PDXK: variants seen among roughly 807,000 people sequenced by gnomAD.
PDXK encodes epididymis secretory sperm binding protein Li 1a.
PDXK carries 15 observed loss-of-function variants against 43.2 expected under a neutral mutation model. The observed-to-expected ratio is 0.35, with a 90% CI of 0.23 to 0.53. The LOEUF is 0.53. Ranked by LOEUF, PDXK falls within the 20% of genes least tolerant of loss-of-function variation. The probability of loss-of-function intolerance (pLI) is 0.92; values close to 1 mark genes in which losing one functional copy is unlikely to be tolerated. For missense variants in PDXK, 343 were observed against 417.0 expected (o/e 0.82, Z 1.54); for synonymous variants, 172 against 165.4 (o/e 1.04, Z -0.31).
At chr21:43,742,302 C>T (rs1411738115) in intron 3 of PDXK, among the ~76,000 whole-genome samples, 1 of 152,182 alleles carries the variant, frequency 6.6e-6, no homozygotes, top group African/African-American at 2.4e-5. Flanking sequence ...GCCTCAACAT[C>T]CCAAGTAGCT....
At chr21:43,751,109 G>T (rs1197803808) in intron 7 of PDXK, among the ~76,000 whole-genome samples, 1 of 152,234 alleles carries the variant, frequency 6.6e-6, no homozygotes, top group East Asian at 1.9e-4. Context: ...AGCAGATGCA[G>T]CAGCCCAAGG....
Position 43,755,942 on chromosome 21 carries a change from GC to G in PDXK, c.827-5del. ...GATGGGAACTCAGTGCTCTCTGCCT[GC>G]CCCGCAGCCCAGGCCGGGGAAGGAG... On this transcript the variant is annotated splice_region_variant and splice_polypyrimidine_tract_variant and intron_variant, in intron 10 of 10. Coordinates refer to ENST00000291565, the MANE Select transcript of PDXK (RefSeq NM_003681.5). The G allele has an allele frequency of 6.3e-7, 1 of 1,596,546 alleles. No homozygotes were observed.
At position 43,732,493 on chromosome 21, in the gene PDXK, A is replaced by G. The variant is rs756426688; in HGVS notation, c.88-1576A>G. The G allele has an allele frequency of 7.9e-6, 12 of 1,527,890 alleles. No homozygotes were observed. In the Admixed American group the frequency reaches 1.2e-4, roughly 15 times the overall value. 94.6% of individuals were successfully genotyped at this position (1,527,890 alleles called of 1,614,324 possible). ...AGGGGCTCAGCTTGCTCGTGCTCTC[A>G]TTTAAAAGCAGAAAATAGCGACTTC... On this transcript the variant is annotated intron_variant, in intron 1 of 10. Coordinates refer to ENST00000291565, the MANE Select transcript of PDXK (RefSeq NM_003681.5). This position sits in a 1 kb window ranked among gnomAD's most constrained non-coding sequence, Gnocchi z 4.1.
Position 43,732,774 on chromosome 21 carries a change from T to C in PDXK, c.88-1295T>C. On this transcript the variant is annotated intron_variant, in intron 1 of 10. Transcript: ENST00000291565. This position sits in a 1 kb window ranked among gnomAD's most constrained non-coding sequence, Gnocchi z 4.1. Reference sequence around the variant, plus strand: ...TTATTTTTATGTTTTTTGAGACATATTCTCACTCCGTCACCCAGGCTAGAG... The same window carrying C: ...TTATTTTTATGTTTTTTGAGACATACTCTCACTCCGTCACCCAGGCTAGAG... The C allele has an allele frequency of 3.3e-6, 2 of 609,012 alleles. No individual in the cohort carries two copies. Among genetic ancestry groups the C allele is most frequent in the South Asian group, 2.0e-5 (1 of 49,252 alleles). The allele number at this position is 609,012 out of a possible 1,614,324, so 37.7% of individuals were successfully genotyped here.
chr21:43,731,161 T>A (rs539444250), intron 1 of PDXK, among the ~76,000 whole-genome samples: 26 of 152,224 alleles, frequency 1.7e-4, no homozygotes, highest in Non-Finnish European at 3.4e-4. Context: ...TAATAATGAC[T>A]CTACGTAAAA....
chr21:43,744,212 C>T (rs1403847791), intron 4 of PDXK, among the ~76,000 whole-genome samples: 2 of 151,796 alleles, frequency 1.3e-5, no homozygotes, highest in African/African-American at 2.4e-5. Context: ...CCAGGCAGGG[C>T]CAGGCTAGGG....
chr21:43,726,238 C>T (rs1416926377), intron 1 of PDXK, among the ~76,000 whole-genome samples: 1 of 150,356 alleles, frequency 6.7e-6, no homozygotes, highest in Non-Finnish European at 1.5e-5. Flanking sequence ...AAAACAAGAA[C>T]TTATCGGTCC....
rs201305288 is a variant in PDXK at position 43,732,651 on chromosome 21, A to T, written c.88-1418A>T. ...AATATCTGTTTCTTCACAGTCGGTT[A>T]GAATTTTAAAGGATTTGAAATACTG... On this transcript the variant is annotated intron_variant, in intron 1 of 10. Coordinates refer to ENST00000291565, the MANE Select transcript of PDXK (RefSeq NM_003681.5). This position sits in a 1 kb window ranked among gnomAD's most constrained non-coding sequence, Gnocchi z 4.1. 1 of 779,612 alleles carries T rather than the reference A, an allele frequency of 1.3e-6. No individual in the cohort carries two copies. The highest frequency in any genetic ancestry group is 1.3e-5 in the South Asian group (1 of 74,620). 48.3% of individuals were successfully genotyped at this position (779,612 alleles called of 1,614,324 possible). A position where few individuals can be genotyped will look rare whatever the true frequency, so the allele number is the denominator to read the frequency against.
At position 43,732,651 on chromosome 21, in the gene PDXK, A is replaced by G. The variant is rs201305288; in HGVS notation, c.88-1418A>G. Reference sequence around the variant, plus strand: ...AATATCTGTTTCTTCACAGTCGGTTAGAATTTTAAAGGATTTGAAATACTG... The same window carrying G: ...AATATCTGTTTCTTCACAGTCGGTTGGAATTTTAAAGGATTTGAAATACTG... On this transcript the variant is annotated intron_variant, in intron 1 of 10. Transcript: ENST00000291565. The surrounding 1 kb of genome is among the most constrained non-coding windows in gnomAD (Gnocchi z 4.1). 7 of 779,494 alleles carry G rather than the reference A, an allele frequency of 9.0e-6. No individual in the cohort carries two copies. Among genetic ancestry groups the G allele is most frequent in the Non-Finnish European group, 1.7e-5 (7 of 418,210 alleles). 48.3% of individuals were successfully genotyped at this position (779,494 alleles called of 1,614,324 possible).
Position 43,743,821 on chromosome 21 carries a change from C to T in PDXK, c.331+14C>T. 2 of 1,593,210 alleles carry T rather than the reference C, an allele frequency of 1.3e-6. No homozygotes were observed. Among genetic ancestry groups the T allele is most frequent in the Non-Finnish European group, 1.7e-6 (2 of 1,162,344 alleles). On this transcript the variant is annotated intron_variant, in intron 4 of 10. Coordinates refer to ENST00000291565, the MANE Select transcript of PDXK (RefSeq NM_003681.5). ...GGCTGGTGTACGGTAGGCAGGGGCC[C>T]ACCCTCGGGTCTGGCTGTGTGGCCC...
At position 43,754,168 on chromosome 21, in the gene PDXK, G is replaced by A. The variant is rs183012565; in HGVS notation, c.759+449G>A. Among the ~76,000 whole-genome samples, 5 of 152,324 alleles carry A rather than the reference G, an allele frequency of 3.3e-5. No homozygotes were observed. Among genetic ancestry groups the A allele is most frequent in the Non-Finnish European group, 7.4e-5 (5 of 68,020 alleles). ...GACGGAAAGGCCGGAGCCGCCCTTC[G>A]GGGACAGTAGGTGGGAGGCTGAGGA... is the stretch of plus-strand genomic sequence containing the variant. On this transcript the variant is annotated intron_variant, in intron 9 of 10. Coordinates refer to ENST00000291565, the MANE Select transcript of PDXK (RefSeq NM_003681.5). The surrounding 1 kb of genome is among the most constrained non-coding windows in gnomAD (Gnocchi z 5.5).
chr21:43,747,065 G>A (rs1413246856), intron 5 of PDXK: 1 of 152,548 alleles, frequency 6.6e-6, no homozygotes, highest in Admixed American at 6.5e-5. Context: ...TTGAGCCCAG[G>A]AGGTGGAGGC....
At chr21:43,729,667 G>A (rs566631469) in intron 1 of PDXK, among the ~76,000 whole-genome samples, 2 of 152,308 alleles carry the variant, frequency 1.3e-5, no homozygotes, top group South Asian at 4.1e-4. Flanking sequence ...GGCCGAGCAC[G>A]ATGGCTCACG....
Position 43,719,518 on chromosome 21 carries a change from G to A in PDXK, c.87+137G>A, listed in dbSNP as rs1337569735. On this transcript the variant is annotated intron_variant, in intron 1 of 10. Coordinates refer to ENST00000291565, the MANE Select transcript of PDXK (RefSeq NM_003681.5). ...CCTGGCGCGGGCGCCCTGGAGGCAG[G>A]CGCGGGATGAGCCTCCCGCTCTGCT... is the stretch of plus-strand genomic sequence containing the variant. 4.5e-6 allele frequency: 6 copies of A among 1,332,842 alleles called. No homozygotes were observed. The Admixed American group carries it at 9.0e-5, about 20-fold the overall frequency. The allele number at this position is 1,332,842 out of a possible 1,614,324, so 82.6% of individuals were successfully genotyped here. A position where few individuals can be genotyped will look rare whatever the true frequency, so the allele number is the denominator to read the frequency against.
chr21:43,756,264 T>C lies in PDXK; in HGVS notation c.*201T>C. On this transcript the variant is annotated 3_prime_UTR_variant, in exon 11 of 11. Coordinates refer to ENST00000291565, the MANE Select transcript of PDXK (RefSeq NM_003681.5). ...ATAACAAAGTGGTCACAGAAATTTG[T>C]GATCTGAAAACCCGGCTCCCTTCCC... 1 of 467,638 alleles carries C rather than the reference T, an allele frequency of 2.1e-6. No homozygotes were observed. The highest frequency in any genetic ancestry group is 3.8e-6 in the Non-Finnish European group (1 of 259,962). 29.0% of individuals were successfully genotyped at this position (467,638 alleles called of 1,614,324 possible).
chr21:43,738,167 G>A (rs1442513235), intron 2 of PDXK: 3 of 459,936 alleles, frequency 6.5e-6, no homozygotes, highest in Non-Finnish European at 5.7e-6. Context: ...GAGGTCAGCA[G>A]GTTAAAAGAG....
intron 4 of PDXK, among the ~76,000 whole-genome samples, chr21:43,745,459 G>A (rs1039013003): frequency 6.6e-6 from 1 of 151,688 alleles, no homozygotes; most frequent in African/African-American, 2.4e-5. Context: ...GACGTTACCA[G>A]GGCCTAAGGC....
chr21:43,737,184 G>T lies in PDXK; in HGVS notation c.142+3061G>T, dbSNP rs968790230. 9 of 1,450,828 alleles carry T rather than the reference G, an allele frequency of 6.2e-6. No individual in the cohort carries two copies. Among genetic ancestry groups the T allele is most frequent in the Non-Finnish European group, 8.2e-6 (9 of 1,102,658 alleles). 89.9% of individuals were successfully genotyped at this position (1,450,828 alleles called of 1,614,324 possible). A position where few individuals can be genotyped will look rare whatever the true frequency, so the allele number is the denominator to read the frequency against. On this transcript the variant is annotated intron_variant, in intron 2 of 10. Transcript: ENST00000291565. This position sits in a 1 kb window ranked among gnomAD's most constrained non-coding sequence, Gnocchi z 4.8. ...AGCCAGACTCCCGGCAGGGACACGG[G>T]TGTTCCACACAAGCTGCGTTGTTGG...
rs145602863 is a variant in PDXK, at chr21:43,725,860, G to A, written c.87+6479G>A. ...GGAAAAAGAGCCAGTGGTGAAAAGT[G>A]TGCCTCCTTCCTTCCTCCGGTGGCC... On this transcript the variant is annotated intron_variant, in intron 1 of 10. Transcript: ENST00000291565. 7.1e-4 allele frequency among the ~76,000 whole-genome samples: 108 copies of A among 152,272 alleles called. 1 individual carries two copies. Among genetic ancestry groups the A allele is most frequent in the African/African-American group, 2.5e-3 (103 of 41,548 alleles).
Sources: gnomAD v4.1 joint callset for allele counts (sites outside exome capture counted in the v4.1 genomes callset) on GRCh38, gnomAD v4.1.1 for gene constraint, Gnocchi (gnomAD v3.1) non-coding constraint, MANE v1.5 for transcripts, NCBI Gene and HGNC (gene_info 2026-07-23, HGNC 2026-07-21) for gene names.